The following VRK2 variants were observed in gnomAD, a reference collection of about 807,000 sequenced individuals.
VRK2 encodes the protein serine/threonine-protein kinase VRK2.
A neutral mutation model predicts 57.6 loss-of-function variants in VRK2; 60 were observed. The observed-to-expected ratio is 1.04, with a 90% CI of 0.85 to 1.29. VRK2 has a LOEUF of 1.29. Ranked by LOEUF, VRK2 falls within the 50% of genes most tolerant of loss-of-function variation. VRK2 has a pLI of 0.00. For missense variants in VRK2, 705 were observed against 588.1 expected, an observed-to-expected ratio of 1.20 and a Z score of -2.06; for synonymous variants, 231 against 199.2, an observed-to-expected ratio of 1.16 and a Z score of -1.35.
intron 11 of VRK2, among the ~76,000 whole-genome samples, chr2:58,142,367 A>G (rs1231105629): frequency 6.6e-6 from 1 of 151,780 alleles, no homozygotes; most frequent in Admixed American, 6.6e-5. Context: ...AGACATTATA[A>G]ACTGTTCTCT....
At chr2:57,936,705 A>G (rs1670921529) in intron 1 of VRK2, among the ~76,000 whole-genome samples, 1 of 151,830 alleles carries the variant, frequency 6.6e-6, no homozygotes, top group Non-Finnish European at 1.5e-5. Context: ...ATGTATTTTT[A>G]TTGTACCTCT....
chr2:57,933,309 C>CTTTTTTTTTTTTTT lies in VRK2; in HGVS notation c.-439+25479_-439+25492dup, dbSNP rs71394403. Among the ~76,000 whole-genome samples, 313 of 63,298 alleles carry CTTTTTTTTTTTTTT rather than the reference C, an allele frequency of 4.9e-3. 18 individuals carry two copies. The highest frequency in any genetic ancestry group is 7.6e-3 in the African/African-American group (99 of 13,076). 41.5% of individuals were successfully genotyped at this position (63,298 alleles called of 152,430 possible). On this transcript the variant is annotated intron_variant, in intron 1 of 15. Coordinates refer to the VRK2 transcript ENST00000417641. Reference sequence around the variant, plus strand: ...TGCTATTTCTTATTTCTTTCTTTTTCTTTTTTTTTTTTTTTTTTTTTTGAG... The same window carrying CTTTTTTTTTTTTTT: ...TGCTATTTCTTATTTCTTTCTTTTTCTTTTTTTTTTTTTTTTTTTTTTTTTTTTTTTTTTTTGAG...
chr2:58,005,840 G>C (rs1383895972), intron 1 of VRK2, among the ~76,000 whole-genome samples: 1 of 152,154 alleles, frequency 6.6e-6, no homozygotes, highest in Non-Finnish European at 1.5e-5. Context: ...TTTGACAGTA[G>C]AAGAGACCTC....
intron 1 of VRK2, among the ~76,000 whole-genome samples, chr2:57,955,727 C>G (rs1224355281): frequency 6.6e-6 from 1 of 152,180 alleles, no homozygotes; most frequent in Non-Finnish European, 1.5e-5. Flanking sequence ...CCTACACATC[C>G]TGCACATGTA....
chr2:58,086,500 A>C, intron 5 of VRK2, 74 bp downstream of exon 5: 1 of 1,298,684 alleles, frequency 7.7e-7, no homozygotes, highest in Non-Finnish European at 1.1e-6. Context: ...AACTATTGCC[A>C]TGTAACAAAT....
At chr2:58,037,862 T>C (rs1674325059) in intron 3 of VRK2, among the ~76,000 whole-genome samples, 1 of 152,080 alleles carries the variant, frequency 6.6e-6, no homozygotes, top group African/African-American at 2.4e-5. Flanking sequence ...AGAAGTTTCT[T>C]AACCTTACTA....
intron 11 of VRK2, among the ~76,000 whole-genome samples, chr2:58,142,201 G>T (rs1360688158): frequency 2.0e-5 from 3 of 151,980 alleles, no homozygotes; most frequent in Middle Eastern, 6.8e-3. Flanking sequence ...AATAACAAAT[G>T]AAACTTATAC....
chr2:58,043,137 G>C (rs1674529504), upstream of VRK2, among the ~76,000 whole-genome samples: 1 of 152,076 alleles, frequency 6.6e-6, no homozygotes, highest in South Asian at 2.1e-4. Context: ...TTTACTGTTA[G>C]GAAGATTTTG....
chr2:57,971,325 C>T (rs1011092227), intron 1 of VRK2, among the ~76,000 whole-genome samples: 1 of 151,920 alleles, frequency 6.6e-6, no homozygotes, highest in African/African-American at 2.4e-5. Context: ...CATGGAGGCA[C>T]CCTCTGCCTG....
intron 1 of VRK2, among the ~76,000 whole-genome samples, chr2:57,973,558 TA>T (rs1324291624): frequency 1.3e-5 from 2 of 151,800 alleles, no homozygotes; most frequent in Non-Finnish European, 2.9e-5. Context: ...CTTGCCGCCT[TA>T]CCTCTCAATA....
intron 6 of VRK2, among the ~76,000 whole-genome samples, chr2:58,089,187 A>G (rs1672036204): frequency 6.6e-6 from 1 of 152,198 alleles, no homozygotes; most frequent in African/African-American, 2.4e-5. Flanking sequence ...GAGGAAGAAT[A>G]CCTTTCCCTT....
chr2:57,988,066 T>C (rs937479538), intron 1 of VRK2, among the ~76,000 whole-genome samples: 2 of 152,166 alleles, frequency 1.3e-5, no homozygotes, highest in African/African-American at 2.4e-5. Flanking sequence ...CTGTTCTGTA[T>C]CTTGATTGTA....
At chr2:58,122,469 A>C (rs1677666128) in intron 7 of VRK2, among the ~76,000 whole-genome samples, 1 of 152,254 alleles carries the variant, frequency 6.6e-6, no homozygotes. Flanking sequence ...TAAAGAAAAG[A>C]AAATGTTAAG....
intron 2 of VRK2, among the ~76,000 whole-genome samples, chr2:58,083,572 T>C (rs1671197247): frequency 6.6e-6 from 1 of 151,864 alleles, no homozygotes; most frequent in Non-Finnish European, 1.5e-5. Context: ...TTTATTCTCA[T>C]TTTAACCTTG....
At chr2:57,932,398 C>T (rs1670759255) in intron 1 of VRK2, among the ~76,000 whole-genome samples, 1 of 152,092 alleles carries the variant, frequency 6.6e-6, no homozygotes, top group African/African-American at 2.4e-5. Flanking sequence ...GTTCAGATTT[C>T]ACCTTTTTAA....
rs150914804 is a variant in VRK2, at chr2:58,158,602, T to C, written c.1183-747T>C. ...TCTTCTAAGTTAGTTACTTGATAAA[T>C]GGTGCTGAGGGGGCATGCCAGATGT... is the stretch of plus-strand genomic sequence containing the variant. On this transcript the variant is annotated intron_variant, in intron 12 of 12. Coordinates refer to ENST00000340157, the MANE Select transcript of VRK2 (RefSeq NM_006296.7). 4.6e-5 allele frequency among the ~76,000 whole-genome samples: 7 copies of C among 152,236 alleles called. No homozygotes were observed. In the East Asian group the frequency reaches 1.2e-3, roughly 25 times the overall value.
At chr2:57,930,259 C>A (rs1056403278) in intron 1 of VRK2, among the ~76,000 whole-genome samples, 2 of 152,162 alleles carry the variant, frequency 1.3e-5, no homozygotes, top group African/African-American at 2.4e-5. Flanking sequence ...ATGGGCAATT[C>A]TCCTCTGGCT....
At chr2:58,086,292 C>G in intron 4 of VRK2, 47 bp from the exon 5 acceptor site, 3 of 1,507,172 alleles carry the variant, frequency 2.0e-6, no homozygotes, top group Non-Finnish European at 2.7e-6. Context: ...TGACAAGTAT[C>G]TTTTCAAATA....
intron 7 of VRK2, among the ~76,000 whole-genome samples, chr2:58,106,111 G>A (rs1674711745): frequency 6.6e-6 from 1 of 151,804 alleles, no homozygotes; most frequent in Non-Finnish European, 1.5e-5. Flanking sequence ...TTTTAATTTT[G>A]TTAATATACA....
Sources: allele counts gnomAD v4.1 joint callset (sites outside exome capture counted in the v4.1 genomes callset), GRCh38; gene constraint gnomAD v4.1.1; transcripts MANE v1.5; gene names NCBI Gene and HGNC (gene_info 2026-07-23, HGNC 2026-07-21).